The following IGDCC3 variants were observed in gnomAD, a reference collection of about 807,000 sequenced individuals.
IGDCC3 encodes the protein immunoglobulin superfamily DCC subclass member 3.
In IGDCC3, 47 loss-of-function variants were observed where a neutral mutation model predicts 72.0. That is an observed-to-expected ratio of 0.65 (90% CI 0.52 to 0.83). The LOEUF (loss-of-function observed/expected upper bound fraction) is 0.83. Ranked by LOEUF, IGDCC3 falls within the 40% of genes least tolerant of loss-of-function variation. The pLI is 0.00. For missense variants in IGDCC3, 1,038 were observed against 1,091.3 expected, an observed-to-expected ratio of 0.95 and a Z score of 0.69; for synonymous variants, 477 against 472.8, an observed-to-expected ratio of 1.01 and a Z score of -0.11.
chr15:65,354,934 G>A (rs1465119763), intron 2 of IGDCC3, among the ~76,000 whole-genome samples: 3 of 152,170 alleles, frequency 2.0e-5, no homozygotes, highest in Non-Finnish European at 4.4e-5. Flanking sequence ...CCAGAGCTTC[G>A]GATTCATTGG....
intron 7 of IGDCC3, 77 bp from the exon 8 acceptor site, chr15:65,331,736 AACTGAG>A: frequency 2.0e-6 from 3 of 1,483,704 alleles, no homozygotes; most frequent in Non-Finnish European, 2.7e-6. Flanking sequence ...AAGATGGAGA[AACTGAG>A]TCTTTCCAGG....
chr15:65,360,868 A>G (rs1012578609), intron 2 of IGDCC3, among the ~76,000 whole-genome samples: 2 of 152,026 alleles, frequency 1.3e-5, no homozygotes, highest in Non-Finnish European at 2.9e-5. Context: ...CTCTGCCTCC[A>G]AGGCTCAAGT....
intron 2 of IGDCC3, among the ~76,000 whole-genome samples, chr15:65,367,606 C>T (rs948358043): frequency 6.6e-5 from 10 of 152,084 alleles, no homozygotes; most frequent in Admixed American, 5.9e-4. Flanking sequence ...CCCAAACACC[C>T]CAAATGTAAG....
intron 2 of IGDCC3, among the ~76,000 whole-genome samples, chr15:65,349,943 G>T (rs1309408293): frequency 6.6e-6 from 1 of 152,096 alleles, no homozygotes; most frequent in Admixed American, 6.5e-5. Flanking sequence ...CCCCATCTAG[G>T]AAGTAAGTCG....
At chr15:65,350,451 G>A (rs1479449927) in intron 2 of IGDCC3, among the ~76,000 whole-genome samples, 1 of 145,448 alleles carries the variant, frequency 6.9e-6, no homozygotes, top group Non-Finnish European at 1.5e-5. Context: ...CGTCCAGCCT[G>A]AGACTTAGCT....
In IGDCC3 at chr15:65,339,773, C is replaced by A. The variant is rs2091063263; in HGVS notation, c.410-3817G>T. ...GGTGTTGGTGGTATTGTGTCTGTGGCTGGTGCACGTGACAGTGGTGCTGTG... is the reference window on the plus strand; with the variant it reads ...GGTGTTGGTGGTATTGTGTCTGTGGATGGTGCACGTGACAGTGGTGCTGTG... On this transcript the variant is annotated intron_variant, in intron 2 of 13. Transcript: ENST00000327987. This position sits in a 1 kb window ranked among gnomAD's most constrained non-coding sequence, Gnocchi z 4.1. 6.6e-6 allele frequency among the ~76,000 whole-genome samples: 1 copy of A among 152,206 alleles called. No homozygotes were observed. The highest frequency in any genetic ancestry group is 2.4e-5 in the African/African-American group (1 of 41,452).
intron 2 of IGDCC3, among the ~76,000 whole-genome samples, chr15:65,369,030 G>A (rs2091306900): frequency 6.6e-6 from 1 of 152,134 alleles, no homozygotes; most frequent in Non-Finnish European, 1.5e-5. Context: ...GAGACAGATG[G>A]AATATCCAGC....
chr15:65,340,875 C>T (rs1414958110), intron 2 of IGDCC3, among the ~76,000 whole-genome samples: 2 of 152,122 alleles, frequency 1.3e-5, no homozygotes, highest in African/African-American at 2.4e-5. Flanking sequence ...ACTACAGGCA[C>T]GCACCACCAT....
chr15:65,330,788 C>CTATG (rs772774146), intron 9 of IGDCC3, 47 bp from the exon 10 acceptor site: 2 of 1,454,846 alleles, frequency 1.4e-6, no homozygotes, highest in South Asian at 2.5e-5. Flanking sequence ...AGTGGAAGCT[C>CTATG]TATCTTTCTA....
rs544664612 is a variant in IGDCC3 at position 65,342,941 on chromosome 15, T to C, written c.410-6985A>G. Among the ~76,000 whole-genome samples the C allele has an allele frequency of 7.0e-4, 106 of 152,184 alleles. 1 individual carries two copies. The highest frequency in any genetic ancestry group is 1.4e-3 in the Non-Finnish European group (92 of 68,004). ...CTCTTGGGCTCAGAACTGTTTGAGG[T>C]AGTGGTATAGGGAGGAGATTAATGG... On this transcript the variant is annotated intron_variant, in intron 2 of 13. Transcript: ENST00000327987.
chr15:65,351,741 G>T (rs1414909019), intron 2 of IGDCC3, among the ~76,000 whole-genome samples: 2 of 152,124 alleles, frequency 1.3e-5, no homozygotes, highest in Non-Finnish European at 2.9e-5. Flanking sequence ...TTGCATAAAT[G>T]TGTTATTGGT....
At chr15:65,354,334 A>T (rs1567067856) in intron 2 of IGDCC3, among the ~76,000 whole-genome samples, 1 of 152,046 alleles carries the variant, frequency 6.6e-6, no homozygotes, top group Admixed American at 6.6e-5. Flanking sequence ...CCGTAAAAGG[A>T]CACTCTCCTC....
chr15:65,340,920 C>A (rs1174415027), intron 2 of IGDCC3, among the ~76,000 whole-genome samples: 1 of 152,006 alleles, frequency 6.6e-6, no homozygotes, highest in South Asian at 2.1e-4. Flanking sequence ...GTAGAGACAG[C>A]GTTTTGCCAT....
chr15:65,354,854 T>TAG (rs1421256648), intron 2 of IGDCC3, among the ~76,000 whole-genome samples: 1 of 152,148 alleles, frequency 6.6e-6, no homozygotes, highest in African/African-American at 2.4e-5. Context: ...GGCCCCTGGC[T>TAG]CTCAAACTCG....
At chr15:65,355,837 G>A (rs908648190) in intron 2 of IGDCC3, 4 of 425,162 alleles carry the variant, frequency 9.4e-6, no homozygotes, top group African/African-American at 4.1e-5. Flanking sequence ...TGGGGCGAGC[G>A]AGGCACCATT....
intron 2 of IGDCC3, 69 bp from the exon 3 acceptor site, chr15:65,336,025 G>A (rs986862781): frequency 3.3e-6 from 5 of 1,533,428 alleles, no homozygotes; most frequent in Admixed American, 3.5e-5. Context: ...ATGGGCTGCA[G>A]TGGCGTCACA....
At position 65,329,650 on chromosome 15, in the gene IGDCC3, G is replaced by A; in HGVS notation, c.1998-53C>T. 1 of 1,610,916 alleles carries A rather than the reference G, an allele frequency of 6.2e-7. No individual in the cohort carries two copies. The highest frequency in any genetic ancestry group is 1.7e-5 in the Admixed American group (1 of 60,000). On this transcript the variant is annotated intron_variant, in intron 12 of 13. Transcript: ENST00000327987. This position sits in a 1 kb window ranked among gnomAD's most constrained non-coding sequence, Gnocchi z 4.1. ...GGGAGAGAGAAAAGAGACAGAGGCA[G>A]TGAGCCCACACTCACCTTCTCTAGG...
rs202062141 is a variant in IGDCC3, at chr15:65,330,363, G to A, written c.1788C>T (p.Ala596=). 5 of 1,614,074 alleles carry A rather than the reference G, an allele frequency of 3.1e-6. No individual in the cohort carries two copies. ...CATTGCCATCTCCATGCTGGTTGTA[G>A]GCGAGCAGCTTCACCTCATACACTG... ...PTAVYEVKLL[A]YNQHGDGNAT... Residue 596 remains alanine, a synonymous_variant, in exon 11 of 14, where the codon GCC becomes GCT. Transcript: ENST00000327987.
chr15:65,335,831 T>C lies in IGDCC3; in HGVS notation c.535A>G (p.Ile179Val), dbSNP rs200713048. 38 of 1,614,170 alleles carry C rather than the reference T, an allele frequency of 2.4e-5. No individual in the cohort carries two copies. The highest frequency in any genetic ancestry group is 4.5e-5 in the East Asian group (2 of 44,886). The change falls in exon 3 of 14, where the codon ATT becomes GTT. Residue 179 changes from isoleucine (I) to valine (V), a missense_variant. Ile to Val is a conservative substitution (Grantham distance 29). Coordinates refer to ENST00000327987, the MANE Select transcript of IGDCC3 (RefSeq NM_004884.4). ...LITWEKNRVPIDTDNERYTLL... is the reference protein window; with the variant it reads ...LITWEKNRVPVDTDNERYTLL... ...GCTCACCTCTCATTGTCCGTGTCAA[T>C]TGGGACTCTGTTCTTCTCCCAAGTG... is the stretch of plus-strand genomic sequence containing the variant.
Sources: gnomAD v4.1 joint callset for allele counts (sites outside exome capture counted in the v4.1 genomes callset) on GRCh38, gnomAD v4.1.1 for gene constraint, Gnocchi (gnomAD v3.1) non-coding constraint, MANE v1.5 for transcripts, NCBI Gene and HGNC (gene_info 2026-07-23, HGNC 2026-07-21) for gene names.